TDRD3: variants seen among roughly 807,000 people sequenced by gnomAD.
TDRD3 encodes tudor domain containing 3, also known as tudor domain-containing protein 3.
A neutral mutation model predicts 86.7 loss-of-function variants in TDRD3; 45 were observed. The observed-to-expected ratio is 0.52, with a 90% CI of 0.41 to 0.67. The LOEUF (loss-of-function observed/expected upper bound fraction) is 0.67. TDRD3 is among the 30% of genes least tolerant of loss of function. TDRD3 has a pLI of 0.00. For missense variants in TDRD3, 814 were observed against 889.0 expected (o/e 0.92, Z 1.07); for synonymous variants, 298 against 301.7 (o/e 0.99, Z 0.13).
At chr13:60,460,606 T>C (rs1019312707) in intron 4 of TDRD3, 66 bp downstream of exon 4, 19 of 1,417,144 alleles carry the variant, frequency 1.3e-5, no homozygotes, top group Non-Finnish European at 1.7e-5. Context: ...TTGGAATAAC[T>C]TAAGAATTTT....
intron 8 of TDRD3, among the ~76,000 whole-genome samples, chr13:60,498,470 T>C (rs1353000715): frequency 6.7e-6 from 1 of 150,324 alleles, no homozygotes; most frequent in African/African-American, 2.5e-5. Context: ...AGCTCTGGCA[T>C]TGGCTAATTA....
At chr13:60,436,624 A>G (rs952337312) in intron 1 of TDRD3, among the ~76,000 whole-genome samples, 27 of 152,018 alleles carry the variant, frequency 1.8e-4, no homozygotes, top group Non-Finnish European at 1.5e-4. Context: ...TTCCATTGGT[A>G]TCATTGCGTA....
intron 4 of TDRD3, among the ~76,000 whole-genome samples, chr13:60,464,178 C>T (rs995741070): frequency 6.6e-6 from 1 of 152,076 alleles, no homozygotes; most frequent in Non-Finnish European, 1.5e-5. Flanking sequence ...AACTATGAGC[C>T]AAATAAACCT....
chr13:60,465,892 A>G (rs1955912729), intron 4 of TDRD3, among the ~76,000 whole-genome samples: 4 of 152,196 alleles, frequency 2.6e-5, no homozygotes, highest in Admixed American at 2.6e-4. Context: ...GTGAGAAGAG[A>G]TGGGGTGGGG....
intron 5 of TDRD3, among the ~76,000 whole-genome samples, chr13:60,470,793 G>A (rs920165563): frequency 6.6e-6 from 1 of 152,020 alleles, no homozygotes; most frequent in African/African-American, 2.4e-5. Flanking sequence ...ATGTTGGCCA[G>A]GCTGGTCTCC....
chr13:60,408,941 G>A (rs1954295580), intron 1 of TDRD3, among the ~76,000 whole-genome samples: 2 of 152,214 alleles, frequency 1.3e-5, no homozygotes. Flanking sequence ...TCTCATCACA[G>A]GCCTGGAGGT....
intron 3 of TDRD3, 91 bp from the exon 4 acceptor site, chr13:60,460,289 T>A (rs1955775599): frequency 9.0e-6 from 10 of 1,114,512 alleles, no homozygotes; most frequent in Non-Finnish European, 1.2e-5. Flanking sequence ...GCATGACTAT[T>A]AAGGAAAAGA....
intron 1 of TDRD3, among the ~76,000 whole-genome samples, chr13:60,400,692 T>C (rs9528129): frequency 0.47 from 70,308 of 150,838 alleles, 16,912 homozygotes; most frequent in South Asian, 0.55. Context: ...GAGTCGAGAT[T>C]GCACCATTGC....
chr13:60,515,995 G>A (rs756522649), intron 10 of TDRD3, among the ~76,000 whole-genome samples: 2 of 152,176 alleles, frequency 1.3e-5, no homozygotes, highest in Non-Finnish European at 2.9e-5. Flanking sequence ...CTAATGAAGA[G>A]AGTTAAGATC....
At chr13:60,400,717 G>A (rs966796130) in intron 1 of TDRD3, among the ~76,000 whole-genome samples, 6 of 149,926 alleles carry the variant, frequency 4.0e-5, no homozygotes, top group Non-Finnish European at 5.9e-5. Context: ...CATCCTGGGC[G>A]ACAGAGCGAG....
chr13:60,528,923 A>C lies in TDRD3; in HGVS notation c.1698A>C (p.Lys566Asn). ...NEAFSGIKIE[K>N]HFNVNTDYQN... Reference sequence around the variant, plus strand: ...CTTTCAGTGGTATAAAAATTGAAAAACATTTTAATGTAAATACTGATTATC... The same window carrying C: ...CTTTCAGTGGTATAAAAATTGAAAACCATTTTAATGTAAATACTGATTATC... The change falls in exon 11 of 14, where the codon AAA becomes AAC. Residue 566 changes from lysine to asparagine, a missense_variant. By Grantham distance (94) the Lys-to-Asn change is moderately conservative. Coordinates refer to ENST00000377881, the MANE Select transcript of TDRD3 (RefSeq NM_001146070.2). The C allele has an allele frequency of 6.2e-7, 1 of 1,612,762 alleles. No homozygotes were observed. Among genetic ancestry groups the C allele is most frequent in the Non-Finnish European group, 8.5e-7 (1 of 1,179,626 alleles).
intron 2 of TDRD3, among the ~76,000 whole-genome samples, chr13:60,444,032 T>C (rs914317860): frequency 6.6e-6 from 1 of 151,964 alleles, no homozygotes; most frequent in African/African-American, 2.4e-5. Flanking sequence ...TCTTATGTCA[T>C]GAATGCTATA....
At chr13:60,484,223 G>T (rs540833069) in intron 6 of TDRD3, among the ~76,000 whole-genome samples, 1 of 152,218 alleles carries the variant, frequency 6.6e-6, no homozygotes, top group East Asian at 1.9e-4. Flanking sequence ...AAGCCACACA[G>T]AGTGATCAAA....
chr13:60,573,066 G>A, intron 13 of TDRD3, among the ~76,000 whole-genome samples: 1 of 152,178 alleles, frequency 6.6e-6, no homozygotes, highest in East Asian at 1.9e-4. Flanking sequence ...AATAGGCCTG[G>A]AGCATACAAG....
At chr13:60,407,994 G>A (rs1271523550) in intron 1 of TDRD3, among the ~76,000 whole-genome samples, 2 of 152,028 alleles carry the variant, frequency 1.3e-5, no homozygotes, top group Admixed American at 6.6e-5. Flanking sequence ...AGGGGTTTCC[G>A]CTTTTGTTTC....
At chr13:60,446,879 T>C (rs1955412603) in intron 3 of TDRD3, among the ~76,000 whole-genome samples, 1 of 152,214 alleles carries the variant, frequency 6.6e-6, no homozygotes, top group Non-Finnish European at 1.5e-5. Flanking sequence ...TAATGATGAC[T>C]ATAAATGCAT....
chr13:60,492,616 G>A (rs1418241333), intron 7 of TDRD3, among the ~76,000 whole-genome samples: 3 of 151,996 alleles, frequency 2.0e-5, no homozygotes. Context: ...AATAAATTTT[G>A]TATCACATTA....
At chr13:60,435,349 G>C (rs1381506682) in intron 1 of TDRD3, among the ~76,000 whole-genome samples, 1 of 152,094 alleles carries the variant, frequency 6.6e-6, no homozygotes, top group Non-Finnish European at 1.5e-5. Context: ...TGAATTCTGA[G>C]ATTTTAGTGC....
At chr13:60,505,987 A>G (rs1042460705) in intron 8 of TDRD3, among the ~76,000 whole-genome samples, 5 of 152,232 alleles carry the variant, frequency 3.3e-5, no homozygotes, top group African/African-American at 1.2e-4. Context: ...AACTTCCCCA[A>G]CCTAGCAAGA....
Sources: gnomAD v4.1 joint callset for allele counts (sites outside exome capture counted in the v4.1 genomes callset) on GRCh38, gnomAD v4.1.1 for gene constraint, MANE v1.5 for transcripts, NCBI Gene and HGNC (gene_info 2026-07-23, HGNC 2026-07-21) for gene names.